SYT16: variants seen among roughly 807,000 people sequenced by gnomAD.
The protein encoded by SYT16 is synaptotagmin 16.
A neutral mutation model predicts 61.4 loss-of-function variants in SYT16; 42 were observed. The ratio of observed to expected loss-of-function variants is 0.68; its 90% CI spans 0.53 to 0.89. SYT16 has a LOEUF of 0.89. Among genes scored for constraint, SYT16 ranks in the 40% least tolerant of loss-of-function variants. SYT16 has a pLI of 0.00. For synonymous variants in SYT16, 314 were observed against 302.3 expected, an observed-to-expected ratio of 1.04 and a Z score of -0.40; for missense variants, 804 against 807.3, an observed-to-expected ratio of 1.00 and a Z score of 0.05.
At chr14:62,018,637 ATGCTTTT>A (rs1397506301) in intron 3 of SYT16, among the ~76,000 whole-genome samples, 23 of 152,106 alleles carry the variant, frequency 1.5e-4, no homozygotes, top group African/African-American at 5.5e-4. Context: ...AATGCTAGTT[ATGCTTTT>A]GCACTAGCTG....
chr14:62,099,583 G>T (rs929987171), intron 7 of SYT16, among the ~76,000 whole-genome samples: 7 of 152,166 alleles, frequency 4.6e-5, no homozygotes, highest in Admixed American at 4.6e-4. Flanking sequence ...TATTCAGCTG[G>T]ATCTCGAGTT....
chr14:61,991,943 T>TG (rs1566743990), intron 2 of SYT16, among the ~76,000 whole-genome samples: 2 of 128,592 alleles, frequency 1.6e-5, no homozygotes, highest in Non-Finnish European at 3.3e-5. Flanking sequence ...CACTAATAAC[T>TG]TTGTTCGTTC....
At chr14:62,009,032 G>A (rs1038221631) in intron 3 of SYT16, among the ~76,000 whole-genome samples, 1 of 152,058 alleles carries the variant, frequency 6.6e-6, no homozygotes, top group East Asian at 1.9e-4. Flanking sequence ...TCCTGGTCGA[G>A]GTCCCTTGAA....
intron 3 of SYT16, among the ~76,000 whole-genome samples, chr14:62,006,910 G>A (rs777319428): frequency 5.9e-5 from 9 of 152,066 alleles, no homozygotes; most frequent in Non-Finnish European, 1.2e-4. Flanking sequence ...TGTGTTCCAA[G>A]CACATTGGCA....
At chr14:61,859,745 G>T (rs139458932) in intron 1 of SYT16, among the ~76,000 whole-genome samples, 3 of 152,166 alleles carry the variant, frequency 2.0e-5, no homozygotes, top group Middle Eastern at 3.4e-3. Context: ...CTCACAGGAA[G>T]ATGAAGGCAT....
chr14:61,927,964 A>G (rs1297039861), intron 1 of SYT16, among the ~76,000 whole-genome samples: 1 of 152,208 alleles, frequency 6.6e-6, no homozygotes, highest in Non-Finnish European at 1.5e-5. Context: ...AAAGTTCCAG[A>G]GAGCTGGGTA....
At chr14:62,073,801 C>T (rs1462794845) in intron 4 of SYT16, among the ~76,000 whole-genome samples, 1 of 152,168 alleles carries the variant, frequency 6.6e-6, no homozygotes, top group Admixed American at 6.5e-5. Flanking sequence ...TACCTGGCTG[C>T]TTTCAATATT....
At chr14:62,046,160 G>A (rs940293216) in intron 3 of SYT16, among the ~76,000 whole-genome samples, 1 of 151,936 alleles carries the variant, frequency 6.6e-6, no homozygotes, top group African/African-American at 2.4e-5. Context: ...GGTGTGAGAT[G>A]GTATCTCATT....
chr14:61,975,702 A>G (rs1435462599), intron 2 of SYT16, among the ~76,000 whole-genome samples: 1 of 152,098 alleles, frequency 6.6e-6, no homozygotes, highest in Non-Finnish European at 1.5e-5. Context: ...TGGGGATCCT[A>G]TTTGGTTCTT....
chr14:61,932,006 A>G (rs1305149876), intron 1 of SYT16, among the ~76,000 whole-genome samples: 1 of 152,150 alleles, frequency 6.6e-6, no homozygotes, highest in Non-Finnish European at 1.5e-5. Flanking sequence ...CTGCTCTTGG[A>G]TCTTTTGAAT....
At chr14:61,857,254 G>A (rs1223926267) in intron 1 of SYT16, among the ~76,000 whole-genome samples, 1 of 152,238 alleles carries the variant, frequency 6.6e-6, no homozygotes, top group Middle Eastern at 3.4e-3. Flanking sequence ...CTTGGTTGAG[G>A]GTTTTCTTGA....
chr14:61,978,447 A>G (rs904237973), intron 2 of SYT16, among the ~76,000 whole-genome samples: 2 of 152,192 alleles, frequency 1.3e-5, no homozygotes, highest in Non-Finnish European at 2.9e-5. Flanking sequence ...CAGTCAGGGT[A>G]TTTTCTAACT....
chr14:61,902,816 G>A (rs1318448727), intron 1 of SYT16, among the ~76,000 whole-genome samples: 3 of 152,206 alleles, frequency 2.0e-5, no homozygotes, highest in African/African-American at 7.2e-5. Context: ...GAGAATGAGA[G>A]CCAAGTGCAA....
At chr14:61,841,427 T>G (rs1407972462) in intron 1 of SYT16, among the ~76,000 whole-genome samples, 5 of 152,222 alleles carry the variant, frequency 3.3e-5, no homozygotes, top group African/African-American at 9.6e-5. Context: ...AGCATGTAAT[T>G]AGAAGCAATG....
chr14:61,952,375 G>C (rs1019401024), intron 1 of SYT16, among the ~76,000 whole-genome samples: 2 of 152,136 alleles, frequency 1.3e-5, no homozygotes, highest in Non-Finnish European at 2.9e-5. Flanking sequence ...ACTCAGACAA[G>C]TGAGGAAAGT....
chr14:61,882,111 C>T (rs563730343), intron 1 of SYT16, among the ~76,000 whole-genome samples: 12 of 152,184 alleles, frequency 7.9e-5, no homozygotes, highest in Admixed American at 3.3e-4. Flanking sequence ...CTCCACATAG[C>T]AGCCAAAGTG....
At chr14:61,997,522 A>T (rs771141277) in intron 3 of SYT16, among the ~76,000 whole-genome samples, 6 of 152,094 alleles carry the variant, frequency 3.9e-5, no homozygotes, top group Non-Finnish European at 8.8e-5. Flanking sequence ...GTCTTGGCAT[A>T]TAAAGAAACA....
intron 1 of SYT16, among the ~76,000 whole-genome samples, chr14:61,901,593 T>A (rs1019558600): frequency 6.6e-6 from 1 of 152,116 alleles, no homozygotes; most frequent in African/African-American, 2.4e-5. Context: ...TAATTCTGGG[T>A]TCCCCCTGTA....
At chr14:62,098,556 C>T (rs531729733) in intron 7 of SYT16, among the ~76,000 whole-genome samples, 17 of 152,202 alleles carry the variant, frequency 1.1e-4, no homozygotes, top group East Asian at 1.9e-4. Flanking sequence ...AGGGGTTCTA[C>T]GATGAGGAGG....
Sources: allele counts gnomAD v4.1 joint callset (sites outside exome capture counted in the v4.1 genomes callset), GRCh38; gene constraint gnomAD v4.1.1; transcripts MANE v1.5; gene names NCBI Gene and HGNC (gene_info 2026-07-23, HGNC 2026-07-21).